Variants in BCKDHB observed in about 807,000 individuals in gnomAD.
BCKDHB encodes 2-oxoisovalerate dehydrogenase subunit beta, mitochondrial.
Under a neutral mutation model 48.5 loss-of-function variants are expected in BCKDHB, and 41 were observed. The ratio of observed to expected loss-of-function variants is 0.85; its 90% CI spans 0.66 to 1.10. BCKDHB has a LOEUF of 1.10. Ranked by LOEUF, BCKDHB falls within the 50% of genes least tolerant of loss-of-function variation. BCKDHB has a pLI of 0.00. For missense variants in BCKDHB, 496 were observed against 494.2 expected (o/e 1.00, Z -0.03); for synonymous variants, 201 against 174.8 (o/e 1.15, Z -1.18).
the BCKDHB span, among the ~76,000 whole-genome samples, chr6:80,434,960 A>G: frequency 6.6e-6 from 1 of 152,120 alleles, no homozygotes; most frequent in South Asian, 2.1e-4. Context: ...TTCTTTGTGC[A>G]GCTTCTCTTC....
At chr6:80,187,851 A>G (rs777110509) in intron 6 of BCKDHB, among the ~76,000 whole-genome samples, 1 of 152,212 alleles carries the variant, frequency 6.6e-6, no homozygotes, top group Non-Finnish European at 1.5e-5. Flanking sequence ...AGTTGTGGAG[A>G]AAAGGGAACA....
At chr6:80,376,334 C>A in the BCKDHB span, among the ~76,000 whole-genome samples, 1 of 152,106 alleles carries the variant, frequency 6.6e-6, no homozygotes, top group Non-Finnish European at 1.5e-5. Context: ...ACAGCCCATA[C>A]CCCAAAAGGC....
At chr6:80,370,665 T>A in the BCKDHB span, among the ~76,000 whole-genome samples, 1 of 152,184 alleles carries the variant, frequency 6.6e-6, no homozygotes, top group African/African-American at 2.4e-5. Context: ...TTTCCATTCC[T>A]GAGTTACTTC....
intron 8 of BCKDHB, among the ~76,000 whole-genome samples, chr6:80,250,147 C>T (rs894988590): frequency 2.0e-5 from 3 of 152,080 alleles, no homozygotes; most frequent in Non-Finnish European, 4.4e-5. Context: ...CTCTGCCGGC[C>T]TCCCCAACAG....
intron 8 of BCKDHB, among the ~76,000 whole-genome samples, chr6:80,257,589 T>C (rs927619876): frequency 5.3e-5 from 8 of 151,948 alleles, no homozygotes; most frequent in Admixed American, 1.3e-4. Flanking sequence ...GGGGTTCGTT[T>C]TATGTGCTTA....
rs1026604730 is a variant in BCKDHB at position 80,167,569 on chromosome 6, C to T, written c.344-109C>T. 5 of 1,168,222 alleles carry T rather than the reference C, an allele frequency of 4.3e-6. No individual in the cohort carries two copies. In the African/African-American group the frequency reaches 6.1e-5, roughly 14 times the overall value. The allele number at this position is 1,168,222 out of a possible 1,614,324, so 72.4% of individuals were successfully genotyped here. ...ACTCTTTATTTTCTGTTTCCTCTAC[C>T]TGTTCTATACTTCTCCATCCCATTA... On this transcript the variant is annotated intron_variant, in intron 3 of 9. Coordinates refer to ENST00000320393, the MANE Select transcript of BCKDHB (RefSeq NM_183050.4).
chr6:80,297,789 G>T (rs1220453261), intron 9 of BCKDHB, among the ~76,000 whole-genome samples: 1 of 152,058 alleles, frequency 6.6e-6, no homozygotes, highest in Non-Finnish European at 1.5e-5. Flanking sequence ...CCATTAGCTA[G>T]CCCCAAAAGT....
chr6:80,139,526 A>G (rs1233873424), intron 3 of BCKDHB, among the ~76,000 whole-genome samples: 2 of 150,300 alleles, frequency 1.3e-5, no homozygotes, highest in Non-Finnish European at 3.0e-5. Flanking sequence ...ACATATGGCT[A>G]GCCAGTTTTC....
Position 80,166,985 on chromosome 6 carries a change from A to C in BCKDHB, c.344-693A>C, listed in dbSNP as rs142234600. Among the ~76,000 whole-genome samples, 609 of 152,280 alleles carry C rather than the reference A, an allele frequency of 4.0e-3. 3 individuals carry two copies. The highest frequency in any genetic ancestry group is 0.014 in the African/African-American group (570 of 41,556). On this transcript the variant is annotated intron_variant, in intron 3 of 9. Coordinates refer to ENST00000320393, the MANE Select transcript of BCKDHB (RefSeq NM_183050.4). Reference sequence around the variant, plus strand: ...AGTTATTAAGACTAGTACATTAAAAAATCATCTCCCACTATGTGGTGATTT... The same window carrying C: ...AGTTATTAAGACTAGTACATTAAAACATCATCTCCCACTATGTGGTGATTT...
intron 3 of BCKDHB, among the ~76,000 whole-genome samples, chr6:80,159,052 A>G (rs1345118980): frequency 2.6e-5 from 4 of 152,148 alleles, no homozygotes; most frequent in African/African-American, 9.7e-5. Context: ...TACTACTTTC[A>G]ACTTAGGTGT....
At chr6:80,298,595 GCCAGGCCA>G (rs1226476537) in intron 9 of BCKDHB, among the ~76,000 whole-genome samples, 3 of 152,206 alleles carry the variant, frequency 2.0e-5, no homozygotes, top group African/African-American at 7.2e-5. Context: ...CATTCCCTAA[GCCAGGCCA>G]CCATTGTGAT....
the BCKDHB span, among the ~76,000 whole-genome samples, chr6:80,422,180 TA>T: frequency 6.6e-6 from 1 of 152,148 alleles, no homozygotes; most frequent in South Asian, 2.1e-4. Context: ...CAGTCCTGGC[TA>T]AAAGGGACCA....
chr6:80,120,449 A>C (rs1769945610), intron 1 of BCKDHB, among the ~76,000 whole-genome samples: 1 of 152,106 alleles, frequency 6.6e-6, no homozygotes, highest in African/African-American at 2.4e-5. Flanking sequence ...TGTTTTCCAC[A>C]ATGGTTGAAC....
the BCKDHB span, among the ~76,000 whole-genome samples, chr6:80,392,713 T>A: frequency 6.6e-6 from 1 of 151,742 alleles, no homozygotes. Flanking sequence ...CAAAACTGTA[T>A]TTTCTTATAT....
intron 6 of BCKDHB, among the ~76,000 whole-genome samples, chr6:80,191,701 A>G (rs138927593): frequency 4.3e-4 from 66 of 152,292 alleles, no homozygotes; most frequent in African/African-American, 1.5e-3. Context: ...ATAAAATTCC[A>G]GAGACACCAG....
At chr6:80,232,854 AT>A (rs1358907722) in intron 8 of BCKDHB, among the ~76,000 whole-genome samples, 16 of 151,806 alleles carry the variant, frequency 1.1e-4, no homozygotes, top group Non-Finnish European at 1.3e-4. Context: ...TATTAAAAAA[AT>A]AACAGAAATC....
chr6:80,308,809 C>T (rs1768009055), intron 9 of BCKDHB, among the ~76,000 whole-genome samples: 1 of 151,852 alleles, frequency 6.6e-6, no homozygotes, highest in Non-Finnish European at 1.5e-5. Context: ...GTCTCGATCT[C>T]CTGATCTCGT....
chr6:80,203,260 C>A, intron 8 of BCKDHB, 48 bp downstream of exon 8: 1 of 1,287,694 alleles, frequency 7.8e-7, no homozygotes, highest in Non-Finnish European at 1.1e-6. Context: ...AACCTTTGGC[C>A]AAATATGTTG....
intron 9 of BCKDHB, among the ~76,000 whole-genome samples, chr6:80,289,661 A>G (rs1179576): frequency 0.8 from 121,344 of 152,000 alleles, 48,617 homozygotes; most frequent in Admixed American, 0.87. Context: ...ACTGAGGGAA[A>G]GCTCACTCTC....
Sources: allele counts gnomAD v4.1 joint callset (sites outside exome capture counted in the v4.1 genomes callset), GRCh38; gene constraint gnomAD v4.1.1; transcripts MANE v1.5; gene names NCBI Gene and HGNC (gene_info 2026-07-23, HGNC 2026-07-21).